NLGN4X: variants seen among roughly 807,000 people sequenced by gnomAD.
NLGN4X encodes neuroligin-4, X-linked.
In NLGN4X, 3 loss-of-function variants were observed where a neutral mutation model predicts 40.3. That is an observed-to-expected ratio of 0.07 (90% CI 0.03 to 0.19). NLGN4X has a LOEUF of 0.19. NLGN4X is among the 10% of genes least tolerant of loss of function. NLGN4X has a pLI of 1.00. For missense variants in NLGN4X, 382 were observed against 708.3 expected, an observed-to-expected ratio of 0.54 and a Z score of 5.23; for synonymous variants, 270 against 306.8, an observed-to-expected ratio of 0.88 and a Z score of 1.25.
At chrX:6,065,602 C>A (rs2037892374) in intron 2 of NLGN4X, among the ~76,000 whole-genome samples, 2 of 111,214 alleles carry the variant, frequency 1.8e-5, no homozygotes, top group Non-Finnish European at 3.8e-5. Context: ...TAAATAATTA[C>A]ATAGTTAAAA....
chrX:6,154,418 G>C (rs2040222291), intron 1 of NLGN4X, among the ~76,000 whole-genome samples: 1 of 110,191 alleles, frequency 9.1e-6, no homozygotes, highest in South Asian at 3.8e-4. Flanking sequence ...TGTTGATATT[G>C]AAGATATCAA....
At chrX:5,922,887 A>T (rs141659684) in intron 3 of NLGN4X, among the ~76,000 whole-genome samples, 3,773 of 111,187 alleles carry the variant, frequency 0.034, 54 homozygotes, top group African/African-American at 0.044. Flanking sequence ...ATAAAATAAA[A>T]AAATAAAAAA....
At chrX:6,155,142 T>TA (rs1202354138) in intron 1 of NLGN4X, among the ~76,000 whole-genome samples, 24 of 109,698 alleles carry the variant, frequency 2.2e-4, no homozygotes, top group Non-Finnish European at 9.5e-5. Context: ...TAGATGCTTT[T>TA]AAAAAAAAAT....
chrX:5,899,102 C>T (rs1467648536), intron 5 of NLGN4X, among the ~76,000 whole-genome samples: 1 of 112,361 alleles, frequency 8.9e-6, no homozygotes, highest in Non-Finnish European at 1.9e-5. Flanking sequence ...GTATTTGAAT[C>T]CACACGTTGC....
intron 5 of NLGN4X, among the ~76,000 whole-genome samples, chrX:5,902,197 A>G (rs1392080430): frequency 1.8e-5 from 2 of 111,473 alleles, no homozygotes; most frequent in Non-Finnish European, 3.8e-5. Context: ...GTTTGAGACC[A>G]GCTCGGGTGA....
chrX:6,118,099 A>G (rs1200107860), intron 2 of NLGN4X, among the ~76,000 whole-genome samples: 1 of 110,279 alleles, frequency 9.1e-6, no homozygotes, highest in Admixed American at 9.6e-5. Flanking sequence ...ACAAGTGCAC[A>G]CATGCACGCT....
intron 3 of NLGN4X, among the ~76,000 whole-genome samples, chrX:6,001,924 C>T (rs1331216244): frequency 2.7e-5 from 3 of 111,756 alleles, no homozygotes; most frequent in South Asian, 3.8e-4. Flanking sequence ...AATTTGACAA[C>T]ATGAGCACTT....
At chrX:6,162,915 T>A (rs781316192) in intron 1 of NLGN4X, among the ~76,000 whole-genome samples, 13 of 112,053 alleles carry the variant, frequency 1.2e-4, no homozygotes, top group Non-Finnish European at 2.4e-4. Context: ...ACAAATCTCA[T>A]CTTGAATTGT....
chrX:6,210,012 G>A (rs886448811), intron 1 of NLGN4X, among the ~76,000 whole-genome samples: 1 of 111,140 alleles, frequency 9.0e-6, no homozygotes, highest in Non-Finnish European at 1.9e-5. Flanking sequence ...CATCACATCT[G>A]GCTATTTTTT....
chrX:6,012,273 G>A (rs756289436), intron 3 of NLGN4X, among the ~76,000 whole-genome samples: 70 of 112,564 alleles, frequency 6.2e-4, no homozygotes, highest in Middle Eastern at 4.6e-3. Flanking sequence ...GGGGAAAAAC[G>A]CTTTTACTCC....
intron 2 of NLGN4X, among the ~76,000 whole-genome samples, chrX:6,044,986 A>T (rs754807492): frequency 1.7e-3 from 190 of 112,399 alleles, no homozygotes; most frequent in African/African-American, 5.8e-3. Flanking sequence ...CTGAGATAAA[A>T]AGGATGCGTT....
At chrX:5,991,249 C>CTT (rs1289125914) in intron 3 of NLGN4X, among the ~76,000 whole-genome samples, 2 of 104,137 alleles carry the variant, frequency 1.9e-5, no homozygotes, top group East Asian at 6.0e-4. Flanking sequence ...ATTTCCTTTC[C>CTT]TTTTTTTTTT....
rs1490451514 is a variant in NLGN4X, at chrX:6,032,230, C to A, written c.473-2798G>T. 7.0e-4 allele frequency among the ~76,000 whole-genome samples: 65 copies of A among 92,795 alleles called. 3 individuals carry two copies. Among genetic ancestry groups the A allele is most frequent in the Non-Finnish European group, 6.8e-4 (32 of 47,327 alleles). The allele number at this position is 92,795 out of a possible 115,157, so 80.6% of individuals were successfully genotyped here. A position where few individuals can be genotyped will look rare whatever the true frequency, so the allele number is the denominator to read the frequency against. The stretch of plus-strand genomic sequence containing the variant: ...AAAAAAAAACTGATATTTCAGCCCC[C>A]CCCCCCCCAAAAAAAATTCTTCTAA... On this transcript the variant is annotated intron_variant, in intron 2 of 5. Coordinates refer to ENST00000381095, the MANE Select transcript of NLGN4X (RefSeq NM_181332.3).
chrX:6,146,819 C>G (rs961782972), intron 2 of NLGN4X, among the ~76,000 whole-genome samples: 4 of 110,951 alleles, frequency 3.6e-5, no homozygotes, highest in Non-Finnish European at 7.5e-5. Flanking sequence ...GGGATTCTCA[C>G]TCTGTTGCCC....
chrX:5,928,301 T>C (rs1252030444), intron 3 of NLGN4X, among the ~76,000 whole-genome samples: 1 of 112,457 alleles, frequency 8.9e-6, no homozygotes, highest in Non-Finnish European at 1.9e-5. Flanking sequence ...TCAATCAGAA[T>C]AGTCTTTTGA....
At position 6,052,217 on chromosome X, in the gene NLGN4X, C is replaced by G. The variant is rs746457077; in HGVS notation, c.473-22785G>C. On this transcript the variant is annotated intron_variant, in intron 2 of 5. Coordinates refer to ENST00000381095, the MANE Select transcript of NLGN4X (RefSeq NM_181332.3). ...CCCAGCCGACACCTTGATAGCATCT[C>G]TGTGTGGCACTGAGGAGGAAATCCA... Among the ~76,000 whole-genome samples the G allele has an allele frequency of 6.3e-5, 7 of 111,618 alleles. No individual in the cohort carries two copies. In the East Asian group the frequency reaches 2.0e-3, roughly 31 times the overall value.
At chrX:6,071,104 G>C (rs1422831622) in intron 2 of NLGN4X, among the ~76,000 whole-genome samples, 1 of 111,491 alleles carries the variant, frequency 9.0e-6, no homozygotes, top group Admixed American at 9.5e-5. Context: ...ACTGCAGCCT[G>C]GGCAAGACAG....
intron 3 of NLGN4X, among the ~76,000 whole-genome samples, chrX:6,020,823 C>G (rs7341956): frequency 0.071 from 7,815 of 109,341 alleles, 624 homozygotes; most frequent in African/African-American, 0.23. Flanking sequence ...TCTTTTGAGT[C>G]TTTTTTAAAA....
intron 3 of NLGN4X, among the ~76,000 whole-genome samples, chrX:5,985,194 A>C (rs776603304): frequency 8.9e-6 from 1 of 111,842 alleles, no homozygotes; most frequent in East Asian, 2.8e-4. Context: ...AAACTAGTAC[A>C]GTCTTTTAAC....
Sources: gnomAD v4.1 joint callset for allele counts (sites outside exome capture counted in the v4.1 genomes callset) on GRCh38, gnomAD v4.1.1 for gene constraint, MANE v1.5 for transcripts, NCBI Gene and HGNC (gene_info 2026-07-23, HGNC 2026-07-21) for gene names.